Variants in ATAD3B observed in about 807,000 individuals in gnomAD.
The protein encoded by ATAD3B is ATPase family AAA domain containing 3B.
ATAD3B carries 59 observed loss-of-function variants against 70.2 expected under a neutral mutation model. The ratio of observed to expected loss-of-function variants is 0.84; its 90% CI spans 0.68 to 1.04. The LOEUF (loss-of-function observed/expected upper bound fraction) is 1.04, where lower values mean the gene tolerates loss of function less well. ATAD3B is among the 50% of genes least tolerant of loss of function. The pLI is 0.00. For missense variants in ATAD3B, 961 were observed against 913.4 expected, an observed-to-expected ratio of 1.05 and a Z score of -0.67; for synonymous variants, 423 against 388.6, an observed-to-expected ratio of 1.09 and a Z score of -1.04.
intron 15 of ATAD3B, among the ~76,000 whole-genome samples, chr1:1,492,696 T>C (rs1640595979): frequency 1.3e-5 from 2 of 151,640 alleles, no homozygotes; most frequent in Non-Finnish European, 2.9e-5. Context: ...TCCCAGCACT[T>C]TGGGAGGCCG....
In ATAD3B at chr1:1,486,140, G is replaced by T. The variant is rs113313705; in HGVS notation, c.994G>T (p.Ala332Ser). The T allele has an allele frequency of 1.2e-5, 19 of 1,613,220 alleles. 1 individual carries two copies. Among genetic ancestry groups the T allele is most frequent in the Non-Finnish European group, 1.6e-5 (19 of 1,179,664 alleles). ...CCTGGAAGCACGGGTGCGCGACATC[G>T]CCATAGCAACCAGGAACACCAAGAA... Reference protein sequence around the residue: ...PSLEARVRDIAIATRNTKKNR... With the variant: ...PSLEARVRDISIATRNTKKNR... Residue 332 changes from alanine to serine, a missense_variant, in exon 10 of 16, where the codon GCC (alanine) becomes TCC (serine). Ala to Ser is a moderately conservative substitution (Grantham distance 99). Coordinates refer to ENST00000673477, the MANE Select transcript of ATAD3B (RefSeq NM_031921.6).
chr1:1,508,603 A>G, the ATAD3B span, among the ~76,000 whole-genome samples: 5,044 of 151,378 alleles, frequency 0.033, 173 homozygotes, highest in Middle Eastern at 0.044. Context: ...TTCTGGCATT[A>G]GGATGGAGAG....
intron 12 of ATAD3B, 137 bp downstream of exon 12, chr1:1,488,051 T>G (rs1570256924): frequency 7.2e-6 from 9 of 1,247,084 alleles, no homozygotes; most frequent in South Asian, 3.7e-5. Flanking sequence ...GCCTCCTGGG[T>G]TCAAGCTGCT....
rs1639353090 is a variant in ATAD3B at position 1,472,080 on chromosome 1, G to A, written c.196G>A (p.Glu66Lys). The A allele has an allele frequency of 8.3e-7, 1 of 1,197,802 alleles. No homozygotes were observed. Among genetic ancestry groups the A allele is most frequent in the Admixed American group, 4.7e-5 (1 of 21,256 alleles). The allele number at this position is 1,197,802 out of a possible 1,614,324, so 74.2% of individuals were successfully genotyped here. The change falls in exon 1 of 16, where the codon GAG becomes AAG. Residue 66 changes from glutamate to lysine, a missense_variant. Around this residue, in one of 4 missense-constraint regions of ATAD3B, gnomAD observed 187 missense variants for 244.3 expected, o/e 0.77. Coordinates refer to ENST00000673477, the MANE Select transcript of ATAD3B (RefSeq NM_031921.6). Reference protein sequence around the residue: ...ERAAKAARELEHSRYAKEALN... With the variant: ...ERAAKAARELKHSRYAKEALN... Reference sequence around the variant, plus strand: ...CGCCGCCAAGGCGGCGCGCGAGCTGGAGCACTCGCGTGAGTGCGGCGGGGC... The same window carrying A: ...CGCCGCCAAGGCGGCGCGCGAGCTGAAGCACTCGCGTGAGTGCGGCGGGGC...
the ATAD3B span, among the ~76,000 whole-genome samples, chr1:1,508,876 A>T: frequency 6.6e-6 from 1 of 151,620 alleles, no homozygotes; most frequent in South Asian, 2.1e-4. Flanking sequence ...GCCACGGCTG[A>T]GACACGCAGA....
chr1:1,509,057 G>C, the ATAD3B span: 3 of 1,378,814 alleles, frequency 2.2e-6, no homozygotes, highest in Non-Finnish European at 1.9e-6. Flanking sequence ...CACGTGCTGG[G>C]CTCTGCCGAG....
At chr1:1,498,757 C>T (rs1279199397), downstream of ATAD3B, among the ~76,000 whole-genome samples, 1 of 151,260 alleles carries the variant, frequency 6.6e-6, no homozygotes, top group African/African-American at 2.4e-5. Context: ...GGCTGGAGTG[C>T]AGTGGTGAGA....
At position 1,495,716 on chromosome 1, in the gene ATAD3B, T is replaced by C. The variant is rs1454516151; in HGVS notation, c.1846T>C (p.Cys616Arg). The change falls in exon 16 of 16, where the codon TGC becomes CGC. Residue 616 changes from cysteine to arginine, a missense_variant. Transcript: ENST00000673477. ...TGCCGGCCCCTGCACATTTAGGATA[T>C]GCTCCTGGATGGGGACTGGGCTGTG... Reference protein sequence around the residue: ...CLAGPCTFRICSWMGTGLCPG... With the variant: ...CLAGPCTFRIRSWMGTGLCPG... 6.2e-7 allele frequency: 1 copy of C among 1,613,218 alleles called. No individual in the cohort carries two copies. Among genetic ancestry groups the C allele is most frequent in the East Asian group, 2.2e-5 (1 of 44,898 alleles).
chr1:1,475,793 G>T (rs1349568572), intron 1 of ATAD3B, among the ~76,000 whole-genome samples: 4 of 151,844 alleles, frequency 2.6e-5, no homozygotes, highest in African/African-American at 9.7e-5. Flanking sequence ...TCTAATAACC[G>T]AGAGGCCACA....
At chr1:1,487,977 C>G in intron 12 of ATAD3B, 63 bp downstream of exon 12, 1 of 1,594,402 alleles carries the variant, frequency 6.3e-7, no homozygotes, top group Non-Finnish European at 8.6e-7. Context: ...GGCTGTCATC[C>G]TGGGCCAGGC....
chr1:1,491,786 C>T (rs1640553141), intron 15 of ATAD3B, among the ~76,000 whole-genome samples: 1 of 151,924 alleles, frequency 6.6e-6, no homozygotes, highest in Non-Finnish European at 1.5e-5. Context: ...CTGGGTTATG[C>T]CGCTGTGACA....
intron 4 of ATAD3B, among the ~76,000 whole-genome samples, chr1:1,480,304 C>G (rs1012385216): frequency 2.1e-5 from 3 of 145,158 alleles, no homozygotes; most frequent in Admixed American, 1.4e-4. Flanking sequence ...GTGGGTTCCA[C>G]AGCAGCGGCT....
intron 12 of ATAD3B, 43 bp from the exon 13 acceptor site, chr1:1,489,161 G>A (rs1338096630): frequency 6.2e-7 from 1 of 1,612,232 alleles, no homozygotes. Context: ...CTGTTTACAA[G>A]GCTTTGCTTC....
At chr1:1,500,540 C>T (rs1490586298), downstream of ATAD3B, among the ~76,000 whole-genome samples, 52 of 136,764 alleles carry the variant, frequency 3.8e-4, no homozygotes, top group African/African-American at 1.1e-3. Flanking sequence ...GGGGACAGAG[C>T]GAGACTCCGT....
At chr1:1,472,117 G>C in intron 1 of ATAD3B, 28 bp downstream of exon 1, 1 of 1,132,464 alleles carries the variant, frequency 8.8e-7, no homozygotes, top group Non-Finnish European at 1.1e-6. Flanking sequence ...GGGCGGGGCG[G>C]GCGGGCGGGC....
rs1473495421 is a variant in ATAD3B at position 1,486,386 on chromosome 1, C to T, written c.1089+151C>T. 2.7e-5 allele frequency: 42 copies of T among 1,575,130 alleles called. 2 individuals are homozygous for T. Among genetic ancestry groups the T allele is most frequent in the East Asian group, 2.3e-4 (10 of 44,238 alleles). On this transcript the variant is annotated intron_variant, in intron 10 of 15. Coordinates refer to ENST00000673477, the MANE Select transcript of ATAD3B (RefSeq NM_031921.6). The stretch of plus-strand genomic sequence containing the variant: ...CTCAGGGTGCTGGTGTGGGCAGCAG[C>T]GCCTCCCATCTTCCAGGCGGGGGAC...
At chr1:1,474,319 T>C (rs1237657013) in intron 1 of ATAD3B, among the ~76,000 whole-genome samples, 1 of 149,858 alleles carries the variant, frequency 6.7e-6, no homozygotes, top group African/African-American at 2.5e-5. Context: ...GCCTCCCGAG[T>C]AGCTGGGACT....
chr1:1,477,651 C>T (rs565450270), intron 2 of ATAD3B, among the ~76,000 whole-genome samples: 21 of 151,574 alleles, frequency 1.4e-4, no homozygotes, highest in African/African-American at 5.1e-4. Context: ...CACATTCTCA[C>T]CTCATTTCTT....
At chr1:1,504,751 A>G in the ATAD3B span, among the ~76,000 whole-genome samples, 1 of 152,036 alleles carries the variant, frequency 6.6e-6, no homozygotes, top group East Asian at 1.9e-4. Context: ...CTACAGGCCC[A>G]AGGTCAGGGT....
Sources: allele counts gnomAD v4.1 joint callset (sites outside exome capture counted in the v4.1 genomes callset), GRCh38; gene constraint gnomAD v4.1.1; regional missense constraint gnomAD v4.1.1; transcripts MANE v1.5; gene names NCBI Gene and HGNC (gene_info 2026-07-23, HGNC 2026-07-21).